DYNC1LI2: variants seen among roughly 807,000 people sequenced by gnomAD.
DYNC1LI2 encodes cytoplasmic dynein 1 light intermediate chain 2.
DYNC1LI2 carries 19 observed loss-of-function variants against 57.8 expected under a neutral mutation model. The ratio of observed to expected loss-of-function variants is 0.33; its 90% CI spans 0.23 to 0.48. DYNC1LI2 has a LOEUF of 0.48. DYNC1LI2 is among the 20% of genes least tolerant of loss of function. The probability of loss-of-function intolerance (pLI) is 0.99; values close to 1 mark genes in which losing one functional copy is unlikely to be tolerated. For missense variants in DYNC1LI2, 470 were observed against 604.2 expected, an observed-to-expected ratio of 0.78 and a Z score of 2.33; for synonymous variants, 256 against 233.4, an observed-to-expected ratio of 1.10 and a Z score of -0.88.
chr16:66,736,824 A>T (rs2017743457), intron 4 of DYNC1LI2, among the ~76,000 whole-genome samples: 1 of 152,238 alleles, frequency 6.6e-6, no homozygotes, highest in Non-Finnish European at 1.5e-5. Context: ...TTTTTAAAAA[A>T]TACTAAGGTT....
chr16:66,730,391 T>C (rs1275630227), intron 7 of DYNC1LI2, 168 bp from the exon 8 acceptor site: 2 of 584,992 alleles, frequency 3.4e-6, no homozygotes, highest in Non-Finnish European at 3.0e-6. Flanking sequence ...ACTGTGGGTA[T>C]AATCCATCAG....
At chr16:66,739,529 C>A (rs1162197795) in intron 4 of DYNC1LI2, among the ~76,000 whole-genome samples, 1 of 152,114 alleles carries the variant, frequency 6.6e-6, no homozygotes, top group Non-Finnish European at 1.5e-5. Context: ...GCAGCCTCGA[C>A]CTGCTGGGCT....
At chr16:66,750,965 T>C (rs2018036091) in intron 2 of DYNC1LI2, among the ~76,000 whole-genome samples, 1 of 152,152 alleles carries the variant, frequency 6.6e-6, no homozygotes, top group Non-Finnish European at 1.5e-5. Context: ...CCTAATCTCA[T>C]CTACTAGCTT....
chr16:66,751,434 G>A lies in DYNC1LI2; in HGVS notation c.107+51C>T. ...GGCCCCTCAGTGTGTCCGACGGTCC[G>A]GCCCAGAGGCCGCGCCCCCCACGGC... is the stretch of plus-strand genomic sequence containing the variant. On this transcript the variant is annotated intron_variant, in intron 1 of 12. Coordinates refer to ENST00000258198, the MANE Select transcript of DYNC1LI2 (RefSeq NM_006141.3). This position sits in a 1 kb window ranked among gnomAD's most constrained non-coding sequence, Gnocchi z 5.2. 1 of 1,579,610 alleles carries A rather than the reference G, an allele frequency of 6.3e-7. No individual in the cohort carries two copies. Among genetic ancestry groups the A allele is most frequent in the African/African-American group, 1.4e-5 (1 of 70,788 alleles).
At chr16:66,742,299 A>C (rs2017854296) in intron 4 of DYNC1LI2, 139 bp downstream of exon 4, 1 of 796,914 alleles carries the variant, frequency 1.3e-6, no homozygotes, top group Non-Finnish European at 1.9e-6. Context: ...AGTTTACAAG[A>C]GGAACTCTGA....
At chr16:66,725,974 T>C in intron 11 of DYNC1LI2, 30 bp from the exon 12 acceptor site, 1 of 1,600,498 alleles carries the variant, frequency 6.2e-7, no homozygotes, top group Admixed American at 1.8e-5. Flanking sequence ...AAAAAAAGCA[T>C]CATATAAACT....
chr16:66,734,018 A>ACAAG (rs2017685326), intron 6 of DYNC1LI2, 200 bp downstream of exon 6: 1 of 546,286 alleles, frequency 1.8e-6, no homozygotes, highest in African/African-American at 1.9e-5. Flanking sequence ...AAACAAACAA[A>ACAAG]TAAATGAGTG....
intron 3 of DYNC1LI2, among the ~76,000 whole-genome samples, chr16:66,745,739 A>G (rs2017923996): frequency 6.6e-6 from 1 of 151,796 alleles, no homozygotes; most frequent in Non-Finnish European, 1.5e-5. Flanking sequence ...CCCCATCTCT[A>G]CAAAAGATAC....
intron 3 of DYNC1LI2, among the ~76,000 whole-genome samples, chr16:66,745,437 C>A (rs367557887): frequency 3.9e-5 from 6 of 151,972 alleles, no homozygotes; most frequent in African/African-American, 1.4e-4. Context: ...TGCCACCATA[C>A]TGGCTGATTT....
intron 3 of DYNC1LI2, among the ~76,000 whole-genome samples, chr16:66,746,420 A>G (rs1244273613): frequency 6.6e-6 from 1 of 152,216 alleles, no homozygotes; most frequent in Non-Finnish European, 1.5e-5. Flanking sequence ...ATCACACAGT[A>G]AGAAAGACTA....
At chr16:66,732,640 A>T in intron 6 of DYNC1LI2, 166 bp from the exon 7 acceptor site, 1 of 532,410 alleles carries the variant, frequency 1.9e-6, no homozygotes, top group Non-Finnish European at 3.0e-6. Context: ...TTACATAGGC[A>T]TACTGCACAC....
rs764528630 is a variant in DYNC1LI2, at chr16:66,723,805, A to G, written c.1396T>C (p.Ser466Pro). The G allele has an allele frequency of 6.2e-7, 1 of 1,602,980 alleles. No individual in the cohort carries two copies. The highest frequency in any genetic ancestry group is 8.5e-7 in the Non-Finnish European group (1 of 1,177,590). Residue 466 changes from serine to proline, a missense_variant, in exon 13 of 13, where the codon TCA becomes CCA. Physicochemically the swap from Ser to Pro is moderately conservative, Grantham distance 74 (BLOSUM62 -1). Coordinates refer to ENST00000258198, the MANE Select transcript of DYNC1LI2 (RefSeq NM_006141.3). ...CTATCCAGTTCTTCCTGAACATTTG[A>G]CAACACAGTCTTTTGTCCTGAAAAA... is the stretch of plus-strand genomic sequence containing the variant. ...AKKSGQKTVLSNVQEELDRMT... is the reference protein window; with the variant it reads ...AKKSGQKTVLPNVQEELDRMT...
chr16:66,732,384 T>G lies in DYNC1LI2; in HGVS notation c.884A>C (p.His295Pro). 1 of 1,613,994 alleles carries G rather than the reference T, an allele frequency of 6.2e-7. No individual in the cohort carries two copies. The highest frequency in any genetic ancestry group is 8.5e-7 in the Non-Finnish European group (1 of 1,179,944). The change falls in exon 7 of 13, where the codon CAC (histidine) becomes CCC (proline). Residue 295 changes from histidine (H) to proline (P), a missense_variant. By Grantham distance (77) the His-to-Pro change is moderately conservative. Transcript: ENST00000258198. Reference sequence around the variant, plus strand: ...CACAACTAAGGCAGGTGTGGTGAAGTGGAAACCGTATGTTTTATGAACAAT... The same window carrying G: ...CACAACTAAGGCAGGTGTGGTGAAGGGGAAACCGTATGTTTTATGAACAAT... ...KYIVHKTYGF[H>P]FTTPALVVEK...
chr16:66,744,424 T>C (rs1268675743), intron 3 of DYNC1LI2, among the ~76,000 whole-genome samples: 1 of 152,178 alleles, frequency 6.6e-6, no homozygotes, highest in African/African-American at 2.4e-5. Flanking sequence ...TTTGTATATA[T>C]TTTTTGTTTT....
chr16:66,731,251 C>G (rs1412050270), intron 7 of DYNC1LI2: 4 of 152,208 alleles, frequency 2.6e-5, no homozygotes, highest in African/African-American at 9.7e-5. Context: ...ATTTGGATAC[C>G]AAGTGATTCC....
chr16:66,725,846 T>G lies in DYNC1LI2; in HGVS notation c.1360A>C (p.Ser454Arg). 6.2e-7 allele frequency: 1 copy of G among 1,614,098 alleles called. No homozygotes were observed. The highest frequency in any genetic ancestry group is 1.1e-5 in the South Asian group (1 of 91,078). The change falls in exon 12 of 13, where the codon AGC (serine) becomes CGC (arginine). Residue 454 changes from serine to arginine, a missense_variant. Coordinates refer to ENST00000258198, the MANE Select transcript of DYNC1LI2 (RefSeq NM_006141.3). The stretch of plus-strand genomic sequence containing the variant: ...TCTGTACCTGACTTCTTGGCTGTGC[T>G]CTGCACCCCACCAGCACCAGGACTT... ...PGSPGAGGVQ[S>R]TAKKSGQKTV...
intron 4 of DYNC1LI2, chr16:66,738,302 G>A (rs2017774014): frequency 7.2e-6 from 1 of 138,906 alleles, no homozygotes; most frequent in South Asian, 2.4e-4. Flanking sequence ...AGGCTGGAGT[G>A]CAGTGGCACA....
intron 9 of DYNC1LI2, 89 bp from the exon 10 acceptor site, chr16:66,728,331 A>T: frequency 3.4e-6 from 5 of 1,457,424 alleles, no homozygotes; most frequent in African/African-American, 1.4e-5. Flanking sequence ...GTACTCCACT[A>T]GAGGGCACTA....
At position 66,725,947 on chromosome 16, in the gene DYNC1LI2, A is replaced by G. The variant is rs2017529173; in HGVS notation, c.1262-3T>C. On this transcript the variant is annotated splice_polypyrimidine_tract_variant and splice_region_variant and intron_variant, in intron 11 of 12. Transcript: ENST00000258198. ...CACCCCTTCACTTGCTGCATTATCTAAGGAAAATTAAAGAGAAAAAAAAGC... is the reference window on the plus strand; with the variant it reads ...CACCCCTTCACTTGCTGCATTATCTGAGGAAAATTAAAGAGAAAAAAAAGC... The G allele has an allele frequency of 6.2e-7, 1 of 1,608,016 alleles. No individual in the cohort carries two copies. The highest frequency in any genetic ancestry group is 1.3e-5 in the African/African-American group (1 of 74,512).
Sources: gnomAD v4.1 joint callset for allele counts (sites outside exome capture counted in the v4.1 genomes callset) on GRCh38, gnomAD v4.1.1 for gene constraint, Gnocchi (gnomAD v3.1) non-coding constraint, MANE v1.5 for transcripts, NCBI Gene and HGNC (gene_info 2026-07-23, HGNC 2026-07-21) for gene names.